The following SDC3 variants were observed in gnomAD, a reference collection of about 807,000 sequenced individuals.
The protein encoded by SDC3 is syndecan-3.
A neutral mutation model predicts 24.4 loss-of-function variants in SDC3; 13 were observed. The observed-to-expected ratio is 0.53, with a 90% CI of 0.35 to 0.85. SDC3 has a LOEUF of 0.85. SDC3 is among the 40% of genes least tolerant of loss of function. SDC3 has a pLI of 0.01. For synonymous variants in SDC3, 295 were observed against 260.9 expected (o/e 1.13, Z -1.26); for missense variants, 571 against 584.5 (o/e 0.98, Z 0.24).
chr1:30,882,156 G>A (rs1031491039), intron 1 of SDC3, among the ~76,000 whole-genome samples: 5 of 152,052 alleles, frequency 3.3e-5, no homozygotes, highest in Admixed American at 6.5e-5. Flanking sequence ...CATACATCCC[G>A]CCTCACATGC....
At chr1:30,881,996 GC>G (rs1639752394) in intron 1 of SDC3, among the ~76,000 whole-genome samples, 1 of 152,028 alleles carries the variant, frequency 6.6e-6, no homozygotes, top group Admixed American at 6.6e-5. Context: ...CCACACCCAC[GC>G]GCCAGCACAC....
chr1:30,875,244 GA>G (rs1166474401), intron 3 of SDC3, among the ~76,000 whole-genome samples: 1 of 152,226 alleles, frequency 6.6e-6, no homozygotes, highest in Non-Finnish European at 1.5e-5. Context: ...GGTGGGCATG[GA>G]AAGGCAGGCC....
Position 30,872,819 on chromosome 1 carries a change from C to CGG in SDC3, c.*391_*392insCC. On this transcript the variant is annotated 3_prime_UTR_variant, in exon 5 of 5. Coordinates refer to ENST00000339394, the MANE Select transcript of SDC3 (RefSeq NM_014654.4). Reference sequence around the variant, plus strand: ...CCTGGAAACCAGCCTGAGTGCCTCTCTGCCCCAAAAAGGAGATCTCAGTGA... The same window carrying CGG: ...CCTGGAAACCAGCCTGAGTGCCTCTCGGTGCCCCAAAAAGGAGATCTCAGTGA... 1 of 213,946 alleles carries CGG rather than the reference C, an allele frequency of 4.7e-6. No homozygotes were observed. Among genetic ancestry groups the CGG allele is most frequent in the Non-Finnish European group, 9.4e-6 (1 of 106,450 alleles). 13.3% of individuals were successfully genotyped at this position (213,946 alleles called of 1,614,324 possible).
In SDC3 at chr1:30,870,165, G is replaced by A. The variant is rs559164456; in HGVS notation, c.*3046C>T. 2.2e-5 allele frequency: 8 copies of A among 365,080 alleles called. No individual in the cohort carries two copies. The highest frequency in any genetic ancestry group is 6.8e-4 in the Middle Eastern group (1 of 1,462). The allele number at this position is 365,080 out of a possible 1,614,324, so 22.6% of individuals were successfully genotyped here. The stretch of plus-strand genomic sequence containing the variant: ...GCCCCCACCAGGAGGCCTGACAGGC[G>A]GCTTTGCCAACCCCAGGGGGGTTTG... On this transcript the variant is annotated 3_prime_UTR_variant, in exon 5 of 5. Coordinates refer to ENST00000339394, the MANE Select transcript of SDC3 (RefSeq NM_014654.4).
At chr1:30,888,992 G>T (rs1191419987) in intron 1 of SDC3, among the ~76,000 whole-genome samples, 3 of 152,226 alleles carry the variant, frequency 2.0e-5, no homozygotes, top group Non-Finnish European at 4.4e-5. Flanking sequence ...GGGACACAGT[G>T]GGGTGAGAAA....
intron 2 of SDC3, chr1:30,877,821 C>T (rs906258364): frequency 3.9e-5 from 6 of 153,244 alleles, no homozygotes; most frequent in Non-Finnish European, 8.7e-5. Context: ...AGAGATGTGA[C>T]CCAATATAAA....
At chr1:30,878,852 A>G in intron 1 of SDC3, 112 bp from the exon 2 acceptor site, 2 of 810,786 alleles carry the variant, frequency 2.5e-6, no homozygotes, top group Middle Eastern at 2.8e-4. Context: ...CGTGGGTGAC[A>G]GAGATCTTGT....
At chr1:30,888,306 G>A (rs939305500) in intron 1 of SDC3, among the ~76,000 whole-genome samples, 46 of 152,214 alleles carry the variant, frequency 3.0e-4, no homozygotes, top group African/African-American at 1.1e-3. Flanking sequence ...AGGGGCTGGA[G>A]GAGCACATGG....
chr1:30,907,518 C>T (rs993872628), intron 1 of SDC3, among the ~76,000 whole-genome samples: 1 of 152,198 alleles, frequency 6.6e-6, no homozygotes, highest in African/African-American at 2.4e-5. Flanking sequence ...ATTCATGGGT[C>T]CAAGCACACG....
At chr1:30,881,104 C>A (rs1040294645) in intron 1 of SDC3, among the ~76,000 whole-genome samples, 2 of 151,728 alleles carry the variant, frequency 1.3e-5, no homozygotes, top group East Asian at 1.9e-4. Context: ...GTACTATGCA[C>A]CCCAATGGAT....
In SDC3 at chr1:30,876,720, G is replaced by A. The variant is rs1639644652; in HGVS notation, c.702C>T (p.Thr234=). Residue 234 remains threonine, a synonymous_variant, in exon 3 of 5, where the codon ACC becomes ACT. Coordinates refer to ENST00000339394, the MANE Select transcript of SDC3 (RefSeq NM_014654.4). ...CCTCGGTGTCCAAGACAGCCGCCGT[G>A]GTGGGCGGGGAGGGCGCCTCGGGGG... The part of the protein sequence containing the change: ...ATTPEAPSPP[T]TAAVLDTEAP... 3.8e-6 allele frequency: 6 copies of A among 1,595,556 alleles called. No individual in the cohort carries two copies. The East Asian group carries it at 1.3e-4, about 36-fold the overall frequency.
At chr1:30,888,239 G>T (rs1639859189) in intron 1 of SDC3, among the ~76,000 whole-genome samples, 1 of 152,228 alleles carries the variant, frequency 6.6e-6, no homozygotes, top group South Asian at 2.1e-4. Flanking sequence ...GTCAGGATGG[G>T]ATTCAGGACT....
chr1:30,898,731 C>T (rs1378061363), intron 1 of SDC3, among the ~76,000 whole-genome samples: 6 of 152,314 alleles, frequency 3.9e-5, no homozygotes, highest in Admixed American at 1.3e-4. Context: ...CTAGGTCAGG[C>T]CCTGTCTCTG....
At position 30,873,394 on chromosome 1, in the gene SDC3, C is replaced by T; in HGVS notation, c.1163-17G>A. 6.2e-7 allele frequency: 1 copy of T among 1,611,002 alleles called. No homozygotes were observed. Among genetic ancestry groups the T allele is most frequent in the Non-Finnish European group, 8.5e-7 (1 of 1,177,746 alleles). On this transcript the variant is annotated splice_polypyrimidine_tract_variant and intron_variant, in intron 4 of 4. Coordinates refer to ENST00000339394, the MANE Select transcript of SDC3 (RefSeq NM_014654.4). ...CAATCACAGCTGTGGAAGAAGAGGG[C>T]ACAGGTCAAGGCCCAGAGGCAGGGT...
chr1:30,877,391 G>A (rs1012406139), intron 2 of SDC3: 42 of 632,552 alleles, frequency 6.6e-5, no homozygotes, highest in African/African-American at 4.1e-4. Context: ...TCTGGGGGCC[G>A]CCTCTCCCGG....
chr1:30,874,392 G>A lies in SDC3; in HGVS notation c.1067C>T (p.Pro356Leu), dbSNP rs368838134. 1.2e-5 allele frequency: 20 copies of A among 1,613,912 alleles called. No homozygotes were observed. Among genetic ancestry groups the A allele is most frequent in the African/African-American group, 4.0e-5 (3 of 74,922 alleles). ...GGCATTGTCCAGGAGGCCAGGGCCC[G>A]GGCGGGCACCCTTGGGCAGTGTCCC... is the stretch of plus-strand genomic sequence containing the variant. Reference protein sequence around the residue: ...PPGTLPKGARPGPGLLDNAID... With the variant: ...PPGTLPKGARLGPGLLDNAID... Residue 356 changes from proline to leucine, a missense_variant, in exon 4 of 5, where the codon CCG (proline) becomes CTG (leucine). Pro to Leu is a moderately conservative substitution (Grantham distance 98, BLOSUM62 -3). Around this residue, in one of 2 missense-constraint regions of SDC3, gnomAD observed 74 missense variants for 112.9 expected, o/e 0.66. Transcript: ENST00000339394.
At chr1:30,877,340 G>C (rs1445056224) in intron 2 of SDC3, 175 bp from the exon 3 acceptor site, 7 of 820,942 alleles carry the variant, frequency 8.5e-6, no homozygotes, top group Non-Finnish European at 1.2e-5. Context: ...AAGGTGGTCA[G>C]TTGCTGATGT....
At chr1:30,906,720 T>C (rs181546218) in intron 1 of SDC3, among the ~76,000 whole-genome samples, 1 of 152,142 alleles carries the variant, frequency 6.6e-6, no homozygotes, top group East Asian at 1.9e-4. Context: ...GTCAGAGAAG[T>C]AAGAGGACCT....
intron 3 of SDC3, among the ~76,000 whole-genome samples, chr1:30,875,193 G>A (rs1341261067): frequency 1.3e-5 from 2 of 152,220 alleles, no homozygotes; most frequent in South Asian, 2.1e-4. Flanking sequence ...CCAAAGTGGG[G>A]GCTGTGGGAG....
Sources: allele counts gnomAD v4.1 joint callset (sites outside exome capture counted in the v4.1 genomes callset), GRCh38; gene constraint gnomAD v4.1.1; regional missense constraint gnomAD v4.1.1; transcripts MANE v1.5; gene names NCBI Gene and HGNC (gene_info 2026-07-23, HGNC 2026-07-21).